The following GPC5 variants were observed in gnomAD, a reference collection of about 807,000 sequenced individuals.
GPC5 encodes the protein glypican-5.
In GPC5, 47 loss-of-function variants were observed where a neutral mutation model predicts 53.9. The ratio of observed to expected loss-of-function variants is 0.87; its 90% confidence interval spans 0.69 to 1.11. The LOEUF is 1.11. GPC5 is among the 50% of genes most tolerant of loss of function. The probability of loss-of-function intolerance (pLI) is 0.00; values close to 1 mark genes in which losing one functional copy is unlikely to be tolerated. For missense variants in GPC5, 748 were observed against 713.1 expected, an observed-to-expected ratio of 1.05 and a Z score of -0.56; for synonymous variants, 286 against 263.3, an observed-to-expected ratio of 1.09 and a Z score of -0.84.
intron 7 of GPC5, among the ~76,000 whole-genome samples, chr13:92,854,034 T>G (rs1463979566): frequency 1.3e-5 from 2 of 151,980 alleles, no homozygotes; most frequent in African/African-American, 4.8e-5. Flanking sequence ...CTTTCAATTT[T>G]ATTGTGTTGT....
chr13:92,144,749 A>G, intron 6 of GPC5, 81 bp from the exon 7 acceptor site: 1 of 1,376,390 alleles, frequency 7.3e-7, no homozygotes, highest in African/African-American at 1.5e-5. Context: ...TAACAAAATA[A>G]TTCTAAATAA....
At chr13:92,140,101 G>T (rs2138976756) in intron 6 of GPC5, among the ~76,000 whole-genome samples, 1 of 152,258 alleles carries the variant, frequency 6.6e-6, no homozygotes, top group Admixed American at 6.5e-5. Context: ...AGAGGTATTT[G>T]AGTTTGAATT....
At chr13:91,679,826 C>T (rs2035466466) in intron 2 of GPC5, among the ~76,000 whole-genome samples, 1 of 152,088 alleles carries the variant, frequency 6.6e-6, no homozygotes, top group African/African-American at 2.4e-5. Context: ...AATAAGATTG[C>T]ATAAAGCAAG....
intron 6 of GPC5, among the ~76,000 whole-genome samples, chr13:91,925,697 G>A (rs534299863): frequency 4.6e-5 from 7 of 152,208 alleles, no homozygotes; most frequent in Middle Eastern, 3.4e-3. Context: ...ATGGGCATAC[G>A]AAATTGATTA....
At chr13:91,728,761 A>C (rs1160052983) in intron 4 of GPC5, 96 bp downstream of exon 4, 81 of 1,184,254 alleles carry the variant, frequency 6.8e-5, no homozygotes, top group Middle Eastern at 6.4e-4. Flanking sequence ...AATAAAATTC[A>C]ATATGGACAA....
chr13:91,919,925 A>G (rs1045452689), intron 6 of GPC5, among the ~76,000 whole-genome samples: 10 of 152,188 alleles, frequency 6.6e-5, no homozygotes, highest in African/African-American at 2.4e-4. Context: ...GCAACTGATC[A>G]ATTCTAGACA....
chr13:92,465,185 T>C (rs1008787822), intron 7 of GPC5, among the ~76,000 whole-genome samples: 1 of 152,084 alleles, frequency 6.6e-6, no homozygotes, highest in Non-Finnish European at 1.5e-5. Context: ...ATTATTTATT[T>C]GAGGCATGAG....
chr13:91,661,507 G>A (rs569015564), intron 2 of GPC5, among the ~76,000 whole-genome samples: 4 of 152,096 alleles, frequency 2.6e-5, no homozygotes, highest in Non-Finnish European at 4.4e-5. Context: ...AATTATGCTT[G>A]TTGCATTGCC....
chr13:91,721,137 C>CTTTCTTTCTTTCTTTCTTTCTTTCTTTG (rs1181362469), intron 3 of GPC5, among the ~76,000 whole-genome samples: 36 of 92,132 alleles, frequency 3.9e-4, no homozygotes, highest in African/African-American at 1.5e-3. Context: ...TTCTTTCTTT[C>CTTTCTTTCTTTCTTTCTTTCTTTCTTTG]TTTTTTTGGG....
chr13:91,613,921 G>C lies in GPC5; in HGVS notation c.326-79266G>C, dbSNP rs1356037423. Among the ~76,000 whole-genome samples the C allele has an allele frequency of 3.9e-5, 6 of 152,214 alleles. No individual in the cohort carries two copies. In the East Asian group the frequency reaches 9.6e-4, roughly 24 times the overall value. ...AAAGTAAAAGTCAGGAGGAGAAGTA[G>C]ATGAAGACTGAGAAAGGGACTGCCT... On this transcript the variant is annotated intron_variant, in intron 2 of 7. Coordinates refer to ENST00000377067, the MANE Select transcript of GPC5 (RefSeq NM_004466.6).
At chr13:92,531,330 C>G (rs1320074543) in intron 7 of GPC5, among the ~76,000 whole-genome samples, 2 of 151,734 alleles carry the variant, frequency 1.3e-5, no homozygotes, top group Admixed American at 6.6e-5. Context: ...TTGAATAGAT[C>G]ACTAGTTTTA....
intron 2 of GPC5, among the ~76,000 whole-genome samples, chr13:91,489,234 C>T (rs1385949523): frequency 1.3e-5 from 2 of 152,172 alleles, no homozygotes; most frequent in Non-Finnish European, 2.9e-5. Flanking sequence ...CCTATTCGTA[C>T]ACTCCCTCCC....
chr13:92,076,743 A>C (rs1184100029), intron 6 of GPC5, among the ~76,000 whole-genome samples: 1 of 152,176 alleles, frequency 6.6e-6, no homozygotes, highest in Non-Finnish European at 1.5e-5. Flanking sequence ...AGTTTACCCC[A>C]AAAGCAAGTT....
chr13:91,887,852 G>T (rs1191435741), intron 5 of GPC5, among the ~76,000 whole-genome samples: 1 of 152,076 alleles, frequency 6.6e-6, no homozygotes, highest in Non-Finnish European at 1.5e-5. Context: ...ACATCTTCTT[G>T]TCTTCTGAGC....
At chr13:91,746,855 T>C (rs2140093094) in intron 4 of GPC5, among the ~76,000 whole-genome samples, 1 of 152,346 alleles carries the variant, frequency 6.6e-6, no homozygotes, top group South Asian at 2.1e-4. Flanking sequence ...AAGGGCTTCA[T>C]CATATACTGT....
intron 2 of GPC5, among the ~76,000 whole-genome samples, chr13:91,565,641 G>T (rs1430603962): frequency 2.0e-5 from 3 of 152,210 alleles, no homozygotes; most frequent in African/African-American, 7.2e-5. Flanking sequence ...CCTAGGCGTT[G>T]CGCCTGGCAC....
chr13:91,674,538 TACGC>T (rs2035330662), intron 2 of GPC5, among the ~76,000 whole-genome samples: 1 of 143,186 alleles, frequency 7.0e-6, no homozygotes, highest in African/African-American at 2.7e-5. Context: ...TGTGTATATA[TACGC>T]ATATATATGC....
intron 3 of GPC5, among the ~76,000 whole-genome samples, chr13:91,718,174 G>A (rs967248219): frequency 6.6e-6 from 1 of 151,738 alleles, no homozygotes; most frequent in Non-Finnish European, 1.5e-5. Flanking sequence ...GCAGTGGCGC[G>A]ATCTCGGCTC....
intron 7 of GPC5, among the ~76,000 whole-genome samples, chr13:92,466,778 C>A (rs1878707584): frequency 6.6e-6 from 1 of 152,000 alleles, no homozygotes; most frequent in Non-Finnish European, 1.5e-5. Flanking sequence ...CCTGGAAATT[C>A]TCTGGTTCTT....
Sources: gnomAD v4.1 joint callset for allele counts (sites outside exome capture counted in the v4.1 genomes callset) on GRCh38, gnomAD v4.1.1 for gene constraint, MANE v1.5 for transcripts, NCBI Gene and HGNC (gene_info 2026-07-23, HGNC 2026-07-21) for gene names.